The following ANK2 variants were observed in gnomAD, a reference collection of about 807,000 sequenced individuals.
ANK2 encodes ankyrin-2.
A neutral mutation model predicts 360.5 loss-of-function variants in ANK2; 83 were observed. That is an observed-to-expected ratio of 0.23 (90% CI 0.19 to 0.28). ANK2 has a LOEUF of 0.28. Among genes scored for constraint, ANK2 ranks in the 10% least tolerant of loss-of-function variants. ANK2 has a pLI of 1.00. For synonymous variants in ANK2, 1,740 were observed against 1,759.5 expected (o/e 0.99, Z 0.28); for missense variants, 4,201 against 4,795.7 (o/e 0.88, Z 3.66).
intron 1 of ANK2, among the ~76,000 whole-genome samples, chr4:112,876,701 G>C (rs2075226408): frequency 6.6e-6 from 1 of 152,152 alleles, no homozygotes; most frequent in Non-Finnish European, 1.5e-5. Context: ...CCTGTTACCT[G>C]GTAAGGGAGC....
chr4:113,372,042 C>G (rs373329730), intron 43 of ANK2, among the ~76,000 whole-genome samples: 11 of 152,276 alleles, frequency 7.2e-5, no homozygotes, highest in African/African-American at 2.6e-4. Context: ...GGGAGATGCA[C>G]TATTGGTTAG....
intron 2 of ANK2, among the ~76,000 whole-genome samples, chr4:112,997,287 A>C (rs1028147086): frequency 6.6e-6 from 1 of 152,118 alleles, no homozygotes; most frequent in African/African-American, 2.4e-5. Context: ...TCTCTTTAGC[A>C]ATTTTCAAGT....
At chr4:113,278,614 A>G in intron 17 of ANK2, 56 bp downstream of exon 17, 1 of 1,533,032 alleles carries the variant, frequency 6.5e-7, no homozygotes, top group Admixed American at 1.7e-5. Flanking sequence ...GCCTGAAAAC[A>G]CATGAGAATT....
the ANK2 span, among the ~76,000 whole-genome samples, chr4:112,709,297 T>C: frequency 6.6e-6 from 1 of 152,236 alleles, no homozygotes; most frequent in African/African-American, 2.4e-5. Context: ...TCTTCATTCA[T>C]TTTCTAACTT....
At chr4:113,239,805 A>T (rs946764446) in intron 7 of ANK2, among the ~76,000 whole-genome samples, 3 of 152,180 alleles carry the variant, frequency 2.0e-5, no homozygotes, top group Non-Finnish European at 4.4e-5. Context: ...TTTGTTTAAC[A>T]TTCAAAATTG....
chr4:113,194,168 G>A (rs565051448), intron 2 of ANK2, among the ~76,000 whole-genome samples: 13 of 152,260 alleles, frequency 8.5e-5, no homozygotes, highest in Middle Eastern at 3.4e-3. Flanking sequence ...AATGCTTATG[G>A]ATTAACAAAT....
chr4:112,846,113 T>C (rs1560764347), intron 1 of ANK2, among the ~76,000 whole-genome samples: 1 of 152,082 alleles, frequency 6.6e-6, no homozygotes, highest in African/African-American at 2.4e-5. Flanking sequence ...TATTAAATTT[T>C]TTTCTTTCTT....
At chr4:113,125,821 G>C (rs1242196482) in intron 1 of ANK2, among the ~76,000 whole-genome samples, 1 of 152,072 alleles carries the variant, frequency 6.6e-6, no homozygotes, top group Non-Finnish European at 1.5e-5. Context: ...TGGGTGATAG[G>C]AACTTTTCAC....
At chr4:113,175,876 GA>G (rs1283615730) in intron 2 of ANK2, among the ~76,000 whole-genome samples, 1 of 152,198 alleles carries the variant, frequency 6.6e-6, no homozygotes, top group Non-Finnish European at 1.5e-5. Flanking sequence ...CTCTTACCGT[GA>G]AAACATGTTG....
intron 43 of ANK2, among the ~76,000 whole-genome samples, chr4:113,371,807 G>A (rs1431439184): frequency 6.6e-6 from 1 of 152,176 alleles, no homozygotes; most frequent in Non-Finnish European, 1.5e-5. Context: ...TTTACAGTGT[G>A]TTAAGTAAAT....
chr4:113,355,184 C>T lies in ANK2; in HGVS notation c.6566C>T (p.Pro2189Leu), dbSNP rs1588948506. The T allele has an allele frequency of 6.2e-7, 1 of 1,614,116 alleles. No individual in the cohort carries two copies. Among genetic ancestry groups the T allele is most frequent in the South Asian group, 1.1e-5 (1 of 91,078 alleles). The change falls in exon 38 of 46, where the codon CCA becomes CTA. Residue 2189 changes from proline to leucine, a missense_variant. Coordinates refer to ENST00000357077, the MANE Select transcript of ANK2 (RefSeq NM_001148.6). ...PLDYMKDEFL[P>L]ALSLQSGALD... ...GACTACATGAAAGATGAGTTCCTTCCAGCTCTGTCTTTACAAAGCGGTGCT... is the reference window on the plus strand; with the variant it reads ...GACTACATGAAAGATGAGTTCCTTCTAGCTCTGTCTTTACAAAGCGGTGCT...
intron 1 of ANK2, chr4:113,116,880 C>T (rs2094847075): frequency 9.5e-6 from 2 of 210,702 alleles, no homozygotes; most frequent in Non-Finnish European, 1.9e-5. Flanking sequence ...TCCCCAAAGA[C>T]TGTTCCAATT....
chr4:113,185,692 G>A (rs1020080169), intron 2 of ANK2, among the ~76,000 whole-genome samples: 1 of 152,104 alleles, frequency 6.6e-6, no homozygotes, highest in Non-Finnish European at 1.5e-5. Flanking sequence ...TTCTTTCACT[G>A]TGCAGAAGCT....
the ANK2 span, among the ~76,000 whole-genome samples, chr4:112,763,441 C>T: frequency 1.3e-5 from 2 of 151,446 alleles, no homozygotes; most frequent in Non-Finnish European, 2.9e-5. Flanking sequence ...ACCGTGTTAG[C>T]CAGGATGGTC....
intron 1 of ANK2, among the ~76,000 whole-genome samples, chr4:113,167,884 C>T (rs2097803384): frequency 6.6e-6 from 1 of 152,054 alleles, no homozygotes; most frequent in Admixed American, 6.5e-5. Context: ...ACTTGTTTTG[C>T]TTAGCATTAT....
intron 4 of ANK2, 73 bp downstream of exon 4, chr4:113,199,182 T>G: frequency 8.4e-7 from 1 of 1,184,946 alleles, no homozygotes; most frequent in Non-Finnish European, 1.3e-6. Context: ...ATTTAATGTG[T>G]TTAGCTAGCT....
chr4:112,709,898 T>C, the ANK2 span, among the ~76,000 whole-genome samples: 1 of 152,174 alleles, frequency 6.6e-6, no homozygotes, highest in Non-Finnish European at 1.5e-5. Context: ...AAAACTTCAG[T>C]GTCATTCTCT....
Position 112,848,900 on chromosome 4 carries a change from G to A in ANK2, c.-40+30636G>A, listed in dbSNP as rs2063972147. On this transcript the variant is annotated intron_variant, in intron 1 of 30. Transcript: ENST00000503271. ...AAGAATGGAGAAGAGTTTGATGAATGTGTGAATGCTGTTTTGTAATAGAAA... is the reference window on the plus strand; with the variant it reads ...AAGAATGGAGAAGAGTTTGATGAATATGTGAATGCTGTTTTGTAATAGAAA... 2.0e-5 allele frequency among the ~76,000 whole-genome samples: 3 copies of A among 152,342 alleles called. No homozygotes were observed. The South Asian group carries it at 6.2e-4, about 32-fold the overall frequency.
At chr4:112,906,180 A>G (rs1332081427) in intron 2 of ANK2, among the ~76,000 whole-genome samples, 1 of 152,200 alleles carries the variant, frequency 6.6e-6, no homozygotes, top group Non-Finnish European at 1.5e-5. Flanking sequence ...AAAGAAGGGA[A>G]GAATAATGAT....
Sources: gnomAD v4.1 joint callset for allele counts (sites outside exome capture counted in the v4.1 genomes callset) on GRCh38, gnomAD v4.1.1 for gene constraint, MANE v1.5 for transcripts, NCBI Gene and HGNC (gene_info 2026-07-23, HGNC 2026-07-21) for gene names.